The following ABR variants were observed in gnomAD, a reference collection of about 807,000 sequenced individuals.
The protein encoded by ABR is ABR activator of RhoGEF and GTPase.
ABR carries 35 observed loss-of-function variants against 107.2 expected under a neutral mutation model. The observed-to-expected ratio is 0.33, with a 90% CI of 0.25 to 0.43. ABR has a LOEUF of 0.43. Ranked by LOEUF, ABR falls within the 20% of genes least tolerant of loss-of-function variation. ABR has a pLI of 1.00. For synonymous variants in ABR, 498 were observed against 462.0 expected, an observed-to-expected ratio of 1.08 and a Z score of -1.00; for missense variants, 815 against 1,115.2, an observed-to-expected ratio of 0.73 and a Z score of 3.83.
chr17:1,182,830 A>G (rs1015019565), upstream of ABR, among the ~76,000 whole-genome samples: 4 of 152,188 alleles, frequency 2.6e-5, no homozygotes, highest in African/African-American at 9.7e-5. Context: ...GTCTCAGACA[A>G]CGTGTCTCAG....
chr17:1,121,633 C>T lies in ABR; in HGVS notation c.246+3550G>A, dbSNP rs60283354. ...AGTCCCCAAGGCAGGGCTCTGAGCC[C>T]TGCTGTGGTCTGAGAGCTGCTCACA... On this transcript the variant is annotated intron_variant, in intron 2 of 22. Transcript: ENST00000302538. Among the ~76,000 whole-genome samples the T allele has an allele frequency of 5.7e-4, 79 of 139,456 alleles. No homozygotes were observed. The East Asian group carries it at 0.015, about 26-fold the overall frequency. 91.5% of individuals were successfully genotyped at this position (139,456 alleles called of 152,430 possible).
At chr17:1,073,759 C>T (rs940274742) in intron 6 of ABR, 82 bp from the exon 7 acceptor site, 5 of 1,283,762 alleles carry the variant, frequency 3.9e-6, no homozygotes, top group Non-Finnish European at 3.2e-6. Context: ...TTCGTCCCCC[C>T]ACCCGCATGC....
chr17:1,031,473 T>G, intron 16 of ABR: 1 of 648,578 alleles, frequency 1.5e-6, no homozygotes, highest in Non-Finnish European at 2.2e-6. Context: ...ACCCCAGCTC[T>G]GTCCCGGGAC....
rs1167897356 is a variant in ABR, at chr17:1,157,187, C to T, written c.61+22480G>A. Among the ~76,000 whole-genome samples the T allele has an allele frequency of 6.6e-6, 1 of 151,918 alleles. No individual in the cohort carries two copies. Among genetic ancestry groups the T allele is most frequent in the African/African-American group, 2.4e-5 (1 of 41,370 alleles). ...TGAGTGGCAAAGCTTGGAACCCGGG[C>T]AGTCTGGTCTCAGACACTACCCTCT... On this transcript the variant is annotated intron_variant, in intron 1 of 22. Coordinates refer to ENST00000302538, the MANE Select transcript of ABR (RefSeq NM_021962.5). The surrounding 1 kb of genome is among the most constrained non-coding windows in gnomAD (Gnocchi z 4.7).
At chr17:1,191,313 G>A (rs1485654204), upstream of ABR, among the ~76,000 whole-genome samples, 9 of 148,888 alleles carry the variant, frequency 6.0e-5, 1 homozygote, top group South Asian at 4.3e-4. Flanking sequence ...TCTCACCCCC[G>A]CCTAGTAACG....
chr17:1,033,181 C>T (rs1189924650), intron 16 of ABR, among the ~76,000 whole-genome samples: 7 of 152,174 alleles, frequency 4.6e-5, no homozygotes, highest in Non-Finnish European at 7.3e-5. Context: ...TGGGTCGGGG[C>T]CCAGAGACGA....
chr17:1,161,851 G>A (rs900619067), intron 1 of ABR, among the ~76,000 whole-genome samples: 7 of 152,126 alleles, frequency 4.6e-5, no homozygotes, highest in African/African-American at 9.7e-5. Context: ...CACAGCGCCC[G>A]GCCAGAAGTC....
rs569357982 is a variant in ABR, at chr17:1,150,765, G to A, written c.62-25398C>T. On this transcript the variant is annotated intron_variant, in intron 1 of 22. Transcript: ENST00000302538. This position sits in a 1 kb window ranked among gnomAD's most constrained non-coding sequence, Gnocchi z 4.8. ...GGGAACCACGCGAGCAGGGAGGGACGAAGGGAGGAGCATCACGCACACAGA... is the reference window on the plus strand; with the variant it reads ...GGGAACCACGCGAGCAGGGAGGGACAAAGGGAGGAGCATCACGCACACAGA... 6.6e-6 allele frequency among the ~76,000 whole-genome samples: 1 copy of A among 152,288 alleles called. No homozygotes were observed. Among genetic ancestry groups the A allele is most frequent in the African/African-American group, 2.4e-5 (1 of 41,556 alleles).
chr17:1,018,608 G>A (rs1040888842), intron 16 of ABR, among the ~76,000 whole-genome samples: 14 of 152,140 alleles, frequency 9.2e-5, no homozygotes, highest in African/African-American at 2.7e-4. Flanking sequence ...AACCTGGTCG[G>A]GGGGAGTGTG....
intron 1 of ABR, among the ~76,000 whole-genome samples, chr17:1,129,137 T>C (rs545924757): frequency 7.2e-5 from 11 of 152,122 alleles, no homozygotes; most frequent in Non-Finnish European, 1.6e-4. Context: ...CCTTAAAAAT[T>C]GCTGTTCCCA....
intron 10 of ABR, among the ~76,000 whole-genome samples, chr17:1,065,736 C>G (rs980430670): frequency 1.5e-5 from 2 of 135,052 alleles, no homozygotes; most frequent in East Asian, 4.7e-4. Context: ...ACTTTCCAAA[C>G]CAATGCTTTT....
rs549362584 is a variant in ABR at position 1,050,280 on chromosome 17, G to A, written c.1660-99C>T. On this transcript the variant is annotated intron_variant, in intron 15 of 22. Coordinates refer to ENST00000302538, the MANE Select transcript of ABR (RefSeq NM_021962.5). The surrounding 1 kb of genome is among the most constrained non-coding windows in gnomAD (Gnocchi z 4.6). ...CAGCTTTGCAAGGAGGAGGGAGTAA[G>A]CACGGCCCACGAAGGACACGTCAGA... 6.2e-6 allele frequency: 9 copies of A among 1,450,746 alleles called. No individual in the cohort carries two copies. The highest frequency in any genetic ancestry group is 4.2e-5 in the African/African-American group (3 of 71,398). The allele number at this position is 1,450,746 out of a possible 1,614,324, so 89.9% of individuals were successfully genotyped here. A position where few individuals can be genotyped will look rare whatever the true frequency, so the allele number is the denominator to read the frequency against.
At chr17:1,089,073 T>C (rs1261042100) in intron 4 of ABR, among the ~76,000 whole-genome samples, 1 of 151,892 alleles carries the variant, frequency 6.6e-6, no homozygotes, top group Non-Finnish European at 1.5e-5. Context: ...TTTTTTTGTA[T>C]TTTTAGTAGA....
intron 3 of ABR, among the ~76,000 whole-genome samples, chr17:1,099,326 G>A (rs2037714615): frequency 6.6e-6 from 1 of 151,788 alleles, no homozygotes; most frequent in African/African-American, 2.4e-5. Flanking sequence ...CTGCCCACCT[G>A]GGGCTCCCAA....
At chr17:1,064,995 TG>T (rs2034548360) in intron 10 of ABR, among the ~76,000 whole-genome samples, 1 of 90,490 alleles carries the variant, frequency 1.1e-5, no homozygotes, top group Non-Finnish European at 2.4e-5. Context: ...GGGCTATGCA[TG>T]TTCCTCTAGA....
intron 1 of ABR, among the ~76,000 whole-genome samples, chr17:1,170,592 A>C (rs2041672564): frequency 6.6e-6 from 1 of 152,104 alleles, no homozygotes; most frequent in African/African-American, 2.4e-5. Context: ...GCCTGCCACC[A>C]TGCCTGGCTA....
rs776752704 is a variant in ABR at position 1,005,015 on chromosome 17, C to G, written c.*1065G>C. ...GCCACATCAGTCACCCTCCAGGAAG[C>G]CTGGCCCCTCTTGAAAAGCCCCCAC... On this transcript the variant is annotated 3_prime_UTR_variant, in exon 23 of 23. Coordinates refer to ENST00000302538, the MANE Select transcript of ABR (RefSeq NM_021962.5). The G allele has an allele frequency of 6.8e-5, 27 of 398,994 alleles. No individual in the cohort carries two copies. Among genetic ancestry groups the G allele is most frequent in the Non-Finnish European group, 1.1e-4 (25 of 226,292 alleles). 24.7% of individuals were successfully genotyped at this position (398,994 alleles called of 1,614,324 possible). A position where few individuals can be genotyped will look rare whatever the true frequency, so the allele number is the denominator to read the frequency against.
At chr17:1,139,091 G>A (rs781663099) in intron 1 of ABR, among the ~76,000 whole-genome samples, 1 of 150,302 alleles carries the variant, frequency 6.7e-6, no homozygotes, top group South Asian at 2.1e-4. Context: ...AGGGAAAGGA[G>A]TAACAGTAAA....
intron 16 of ABR, among the ~76,000 whole-genome samples, chr17:1,015,543 G>A (rs1403793246): frequency 2.6e-5 from 4 of 151,186 alleles, no homozygotes; most frequent in Admixed American, 6.6e-5. Context: ...AGCAACCTCC[G>A]CCTCCTGGGT....
Sources: gnomAD v4.1 joint callset for allele counts (sites outside exome capture counted in the v4.1 genomes callset) on GRCh38, gnomAD v4.1.1 for gene constraint, Gnocchi (gnomAD v3.1) non-coding constraint, MANE v1.5 for transcripts, NCBI Gene and HGNC (gene_info 2026-07-23, HGNC 2026-07-21) for gene names.